The following ARHGEF10 variants were observed in gnomAD, a reference collection of about 807,000 sequenced individuals.
The protein encoded by ARHGEF10 is Rho guanine nucleotide exchange factor (GEF) 10.
In ARHGEF10, 140 loss-of-function variants were observed where a neutral mutation model predicts 147.4. The ratio of observed to expected loss-of-function variants is 0.95; its 90% CI spans 0.83 to 1.09. The LOEUF (loss-of-function observed/expected upper bound fraction) is 1.09. Ranked by LOEUF, ARHGEF10 falls within the 50% of genes least tolerant of loss-of-function variation. ARHGEF10 has a pLI of 0.00. For missense variants in ARHGEF10, 2,222 were observed against 1,752.7 expected, an observed-to-expected ratio of 1.27 and a Z score of -4.78; for synonymous variants, 902 against 695.8, an observed-to-expected ratio of 1.30 and a Z score of -4.67.
chr8:1,957,847 T>C lies in ARHGEF10; in HGVS notation c.*584T>C, dbSNP rs1815700748. On this transcript the variant is annotated 3_prime_UTR_variant, in exon 29 of 29. Coordinates refer to ENST00000349830, the MANE Select transcript of ARHGEF10 (RefSeq NM_014629.4). ...AGCTGGGTTTTCCAAAGTGGTATAA[T>C]GTGTGTACTGTATATTTTAACAAAG... The C allele has an allele frequency of 6.5e-6, 1 of 153,434 alleles. No homozygotes were observed. The highest frequency in any genetic ancestry group is 6.5e-5 in the Admixed American group (1 of 15,458). The allele number at this position is 153,434 out of a possible 1,614,324, so 9.5% of individuals were successfully genotyped here. A position where few individuals can be genotyped will look rare whatever the true frequency, so the allele number is the denominator to read the frequency against.
intron 2 of ARHGEF10, among the ~76,000 whole-genome samples, chr8:1,846,301 G>A (rs73540776): frequency 0.14 from 21,553 of 152,276 alleles, 1,940 homozygotes; most frequent in African/African-American, 0.26. Flanking sequence ...ACTTAGGTGA[G>A]TTTCTAGCCA....
rs142550609 is a variant in ARHGEF10 at position 1,957,220 on chromosome 8, C to A, written c.3992C>A (p.Ala1331Glu). 1 of 1,611,808 alleles carries A rather than the reference C, an allele frequency of 6.2e-7. No individual in the cohort carries two copies. The highest frequency in any genetic ancestry group is 1.7e-5 in the Admixed American group (1 of 59,986). Reference protein sequence around the residue: ...KARQPHQEELAPTVMVWQIPL... With the variant: ...KARQPHQEELEPTVMVWQIPL... ...CGGCAGCCCCACCAGGAAGAGCTGG[C>A]GCCGACCGTCATGGTCTGGCAGATC... is the stretch of plus-strand genomic sequence containing the variant. The change falls in exon 29 of 29, where the codon GCG becomes GAG. Residue 1331 changes from alanine (A) to glutamate (E), a missense_variant. Ala to Glu is a moderately radical substitution (Grantham distance 107). Coordinates refer to ENST00000349830, the MANE Select transcript of ARHGEF10 (RefSeq NM_014629.4).
chr8:1,951,910 T>C (rs1415207129), intron 27 of ARHGEF10, among the ~76,000 whole-genome samples: 5 of 152,136 alleles, frequency 3.3e-5, no homozygotes, highest in Non-Finnish European at 7.4e-5. Flanking sequence ...GGTGGGGTCT[T>C]CCTTGTAGCC....
intron 1 of ARHGEF10, among the ~76,000 whole-genome samples, chr8:1,832,991 G>C (rs1803302506): frequency 9.9e-6 from 1 of 101,292 alleles, no homozygotes; most frequent in African/African-American, 3.8e-5. Flanking sequence ...GACAGAGACA[G>C]AGGCAGAGAC....
At chr8:1,922,570 G>A (rs1297143005) in intron 18 of ARHGEF10, among the ~76,000 whole-genome samples, 3 of 152,158 alleles carry the variant, frequency 2.0e-5, no homozygotes, top group Non-Finnish European at 4.4e-5. Flanking sequence ...CGCAGTGCGA[G>A]TCCCTGGGCT....
In ARHGEF10 at chr8:1,891,207, A is replaced by C. The variant is rs115653891; in HGVS notation, c.1183-2362A>C. 5.3e-3 allele frequency among the ~76,000 whole-genome samples: 809 copies of C among 152,240 alleles called. 12 individuals are homozygous for C. Among genetic ancestry groups the C allele is most frequent in the African/African-American group, 0.018 (745 of 41,532 alleles). ...GTATTTAGGATTTCTGCATTCTTTCATGCAGCTTTCTTTATTGTAGTCATG... is the reference window on the plus strand; with the variant it reads ...GTATTTAGGATTTCTGCATTCTTTCCTGCAGCTTTCTTTATTGTAGTCATG... On this transcript the variant is annotated intron_variant, in intron 11 of 28. Coordinates refer to ENST00000349830, the MANE Select transcript of ARHGEF10 (RefSeq NM_014629.4).
rs1400441931 is a variant in ARHGEF10, at chr8:1,826,026, G to T, written c.-48+1913G>T. 7 of 1,228,102 alleles carry T rather than the reference G, an allele frequency of 5.7e-6. No individual in the cohort carries two copies. The East Asian group carries it at 1.7e-4, about 30-fold the overall frequency. The allele number at this position is 1,228,102 out of a possible 1,614,324, so 76.1% of individuals were successfully genotyped here. A position where few individuals can be genotyped will look rare whatever the true frequency, so the allele number is the denominator to read the frequency against. On this transcript the variant is annotated intron_variant, in intron 1 of 28. Transcript: ENST00000349830. ...TCATGTATTTTTAAAAACACACTTTGTCCCTGTCTGTCTCTCACAGCATTT... is the reference window on the plus strand; with the variant it reads ...TCATGTATTTTTAAAAACACACTTTTTCCCTGTCTGTCTCTCACAGCATTT...
chr8:1,854,683 T>C (rs145024041), intron 2 of ARHGEF10, among the ~76,000 whole-genome samples: 28 of 152,236 alleles, frequency 1.8e-4, no homozygotes, highest in African/African-American at 6.7e-4. Context: ...ATTTCCCTTG[T>C]ATAGTAGAAT....
intron 15 of ARHGEF10, among the ~76,000 whole-genome samples, chr8:1,899,115 A>G (rs527697891): frequency 4.8e-4 from 73 of 152,346 alleles, no homozygotes; most frequent in Admixed American, 1.2e-3. Flanking sequence ...GGCTGTGAAC[A>G]GTAGGCCTGT....
At chr8:1,871,744 G>C (rs911971015) in intron 7 of ARHGEF10, among the ~76,000 whole-genome samples, 2 of 152,156 alleles carry the variant, frequency 1.3e-5, no homozygotes, top group African/African-American at 4.8e-5. Flanking sequence ...TTGAACCCGG[G>C]AGGTGGAGGT....
chr8:1,927,939 CAAAAAAAAGA>C (rs1354556005), intron 23 of ARHGEF10, among the ~76,000 whole-genome samples: 3 of 149,314 alleles, frequency 2.0e-5, no homozygotes, highest in Admixed American at 1.3e-4. Context: ...AGACTGTCTC[CAAAAAAAAGA>C]AAAAAAAAGA....
chr8:1,934,012 G>A, intron 26 of ARHGEF10, 70 bp downstream of exon 26: 1 of 1,599,782 alleles, frequency 6.3e-7, no homozygotes, highest in Non-Finnish European at 8.6e-7. Flanking sequence ...GACTTCTGGT[G>A]CCGAAGTCAA....
chr8:1,896,893 A>T (rs956776415), intron 14 of ARHGEF10, among the ~76,000 whole-genome samples: 1 of 152,186 alleles, frequency 6.6e-6, no homozygotes, highest in African/African-American at 2.4e-5. Context: ...AATGCTGAGG[A>T]CAGCACTGAT....
chr8:1,902,154 C>A (rs566250037), intron 15 of ARHGEF10, among the ~76,000 whole-genome samples: 1 of 152,142 alleles, frequency 6.6e-6, no homozygotes, highest in East Asian at 1.9e-4. Flanking sequence ...CCCCTCACCC[C>A]CCGCCCCGCA....
At chr8:1,906,027 T>C (rs188163713) in intron 17 of ARHGEF10, among the ~76,000 whole-genome samples, 4 of 152,378 alleles carry the variant, frequency 2.6e-5, no homozygotes, top group African/African-American at 7.2e-5. Flanking sequence ...CTTTTTCTTA[T>C]GGTTTAAATT....
intron 1 of ARHGEF10, among the ~76,000 whole-genome samples, chr8:1,843,086 C>T (rs768196753): frequency 4.6e-5 from 7 of 152,190 alleles, no homozygotes; most frequent in Admixed American, 6.5e-5. Flanking sequence ...GCCTGGCTGG[C>T]GAATCCAATT....
rs1300641649 is a variant in ARHGEF10, at chr8:1,893,648, T to G, written c.1260+2T>G. 1 of 1,604,132 alleles carries G rather than the reference T, an allele frequency of 6.2e-7. No homozygotes were observed. Among genetic ancestry groups the G allele is most frequent in the Non-Finnish European group, 8.5e-7 (1 of 1,171,212 alleles). ...GATGCTCTTAAGAGGATTTTGGAGG[T>G]ACTTAAGTGTCGTGTTACATAATAC... is the stretch of plus-strand genomic sequence containing the variant. On this transcript the variant is annotated splice_donor_variant, in intron 12 of 28. Transcript: ENST00000349830. LOFTEE classifies it high-confidence loss of function.
chr8:1,878,158 T>C (rs887044606), intron 8 of ARHGEF10, among the ~76,000 whole-genome samples: 15 of 151,664 alleles, frequency 9.9e-5, no homozygotes, highest in African/African-American at 3.6e-4. Flanking sequence ...AACTGCGATT[T>C]AAACAACCGA....
At chr8:1,832,359 C>T (rs1356960675) in intron 1 of ARHGEF10, among the ~76,000 whole-genome samples, 3 of 126,856 alleles carry the variant, frequency 2.4e-5, no homozygotes, top group Non-Finnish European at 5.1e-5. Flanking sequence ...CAGAGACAGG[C>T]AGAGACAGAG....
Sources: gnomAD v4.1 joint callset for allele counts (sites outside exome capture counted in the v4.1 genomes callset) on GRCh38, gnomAD v4.1.1 for gene constraint, MANE v1.5 for transcripts, NCBI Gene and HGNC (gene_info 2026-07-23, HGNC 2026-07-21) for gene names.